CCAR1: variants seen among roughly 807,000 people sequenced by gnomAD.
The protein encoded by CCAR1 is cell division cycle and apoptosis regulator 1.
CCAR1 carries 78 observed loss-of-function variants against 163.8 expected under a neutral mutation model. The observed-to-expected ratio is 0.48, with a 90% confidence interval of 0.40 to 0.57. The LOEUF (loss-of-function observed/expected upper bound fraction) is 0.57, where lower values mean the gene tolerates loss of function less well. CCAR1 is among the 20% of genes least tolerant of loss of function. The pLI is 0.00. For synonymous variants in CCAR1, 443 were observed against 460.7 expected (o/e 0.96, Z 0.49); for missense variants, 1,019 against 1,365.2 (o/e 0.75, Z 4.00).
chr10:68,737,462 C>T (rs535759149), intron 3 of CCAR1, among the ~76,000 whole-genome samples: 31 of 145,914 alleles, frequency 2.1e-4, no homozygotes, highest in African/African-American at 7.7e-4. Flanking sequence ...GAGATTACAC[C>T]ACTGCACTCT....
intron 17 of CCAR1, among the ~76,000 whole-genome samples, chr10:68,766,780 C>A (rs1407031756): frequency 6.6e-6 from 1 of 152,238 alleles, no homozygotes; most frequent in Non-Finnish European, 1.5e-5. Flanking sequence ...CCGCCTCAGC[C>A]TCCCAAAGTG....
At chr10:68,753,511 C>A (rs2056361798) in intron 10 of CCAR1, among the ~76,000 whole-genome samples, 1 of 152,100 alleles carries the variant, frequency 6.6e-6, no homozygotes, top group South Asian at 2.1e-4. Context: ...TCAACATGAA[C>A]CATAATTTTC....
intron 6 of CCAR1, among the ~76,000 whole-genome samples, chr10:68,746,099 A>G (rs2056251129): frequency 6.8e-6 from 1 of 147,414 alleles, no homozygotes; most frequent in African/African-American, 2.5e-5. Flanking sequence ...CAGCCTCTCA[A>G]GTAGCTGGGA....
intron 20 of CCAR1, 101 bp from the exon 21 acceptor site, chr10:68,786,445 T>C (rs1335524576): frequency 6.0e-6 from 5 of 834,092 alleles, no homozygotes; most frequent in Non-Finnish European, 9.2e-6. Context: ...AAATATCTTA[T>C]TAGATTATTG....
intron 2 of CCAR1, among the ~76,000 whole-genome samples, chr10:68,729,795 T>C (rs2056009163): frequency 6.6e-6 from 1 of 152,150 alleles, no homozygotes; most frequent in Admixed American, 6.6e-5. Flanking sequence ...TAGTGGGGTC[T>C]TGCTATGTTG....
At chr10:68,726,339 G>A (rs1232506964) in intron 2 of CCAR1, among the ~76,000 whole-genome samples, 1 of 151,908 alleles carries the variant, frequency 6.6e-6, no homozygotes, top group Non-Finnish European at 1.5e-5. Flanking sequence ...TATTAGTAGA[G>A]ACTGGGTTTC....
At chr10:68,730,148 C>T (rs1003180398) in intron 2 of CCAR1, among the ~76,000 whole-genome samples, 2 of 151,806 alleles carry the variant, frequency 1.3e-5, no homozygotes, top group Non-Finnish European at 2.9e-5. Flanking sequence ...TCTCAAACTC[C>T]TAACCCCCTG....
chr10:68,775,194 A>G (rs12269665), intron 19 of CCAR1, among the ~76,000 whole-genome samples: 11,669 of 152,220 alleles, frequency 0.077, 1,248 homozygotes, highest in African/African-American at 0.24. Flanking sequence ...AGGAAAAAAC[A>G]TGCTCTGAAA....
Position 68,740,638 on chromosome 10 carries a change from C to A in CCAR1, c.301C>A (p.Pro101Thr), listed in dbSNP as rs1222908544. The change falls in exon 5 of 25, where the codon CCC (proline) becomes ACC (threonine). Residue 101 changes from proline to threonine, a missense_variant. By Grantham distance (38) the Pro-to-Thr change is conservative. Coordinates refer to ENST00000265872, the MANE Select transcript of CCAR1 (RefSeq NM_018237.4). ...LYSVQQQLQQ[P>T]QQTLLTQPAV... is the part of the protein sequence containing the mutation. ...ATTTTTCTGTTTTCAGTTACAGCAACCCCAGCAAACCCTCTTAACACAGGT... is the reference window on the plus strand; with the variant it reads ...ATTTTTCTGTTTTCAGTTACAGCAAACCCAGCAAACCCTCTTAACACAGGT... The A allele has an allele frequency of 6.2e-7, 1 of 1,610,994 alleles. No homozygotes were observed.
At chr10:68,784,102 G>C (rs550687688) in intron 19 of CCAR1, among the ~76,000 whole-genome samples, 2 of 152,198 alleles carry the variant, frequency 1.3e-5, no homozygotes, top group African/African-American at 4.8e-5. Flanking sequence ...GTTTTTTTGA[G>C]ATGCAATCTG....
chr10:68,745,311 T>G (rs2056238433), intron 6 of CCAR1, among the ~76,000 whole-genome samples: 1 of 151,860 alleles, frequency 6.6e-6, no homozygotes, highest in African/African-American at 2.4e-5. Flanking sequence ...CGGCCCTTTT[T>G]GTTTTATTTT....
intron 2 of CCAR1, among the ~76,000 whole-genome samples, chr10:68,732,306 A>G (rs192181354): frequency 2.0e-3 from 304 of 152,170 alleles, no homozygotes; most frequent in Middle Eastern, 6.8e-3. Flanking sequence ...TCCTATTTAC[A>G]TGATAATTTT....
intron 6 of CCAR1, among the ~76,000 whole-genome samples, chr10:68,745,332 G>A (rs1373577585): frequency 6.6e-6 from 1 of 151,488 alleles, no homozygotes; most frequent in Non-Finnish European, 1.5e-5. Flanking sequence ...TTGAGATGGG[G>A]TCTCTTTTGC....
intron 15 of CCAR1, among the ~76,000 whole-genome samples, chr10:68,758,644 C>T (rs375747251): frequency 0.014 from 168 of 11,922 alleles, 1 homozygote; most frequent in Admixed American, 8.2e-3. Flanking sequence ...TATATACACA[C>T]GTGTATATAT....
At chr10:68,748,230 A>T (rs1430854010) in intron 8 of CCAR1, among the ~76,000 whole-genome samples, 2 of 152,002 alleles carry the variant, frequency 1.3e-5, no homozygotes, top group African/African-American at 2.4e-5. Context: ...TAATCCCAGC[A>T]CTTTTGGAAA....
At chr10:68,728,105 G>T (rs1482971194) in intron 2 of CCAR1, among the ~76,000 whole-genome samples, 1 of 152,122 alleles carries the variant, frequency 6.6e-6, no homozygotes, top group Non-Finnish European at 1.5e-5. Flanking sequence ...CCAAAATGCT[G>T]GGATTACAGG....
At position 68,787,193 on chromosome 10, in the gene CCAR1, T is replaced by TC. The variant is rs538692939; in HGVS notation, c.2880+501_2880+502insC. On this transcript the variant is annotated intron_variant, in intron 21 of 24. Transcript: ENST00000265872. Reference sequence around the variant, plus strand: ...ACTACAATATATAAAATTCTAGATCTTTTTGTAAGCAGCTCAGTTCCATTT... The same window carrying TC: ...ACTACAATATATAAAATTCTAGATCTCTTTTGTAAGCAGCTCAGTTCCATTT... Among the ~76,000 whole-genome samples the TC allele has an allele frequency of 4.6e-5, 7 of 152,312 alleles. No individual in the cohort carries two copies. The South Asian group carries it at 1.4e-3, about 32-fold the overall frequency.
At chr10:68,726,203 G>A (rs1372676587) in intron 2 of CCAR1, among the ~76,000 whole-genome samples, 1 of 149,930 alleles carries the variant, frequency 6.7e-6, no homozygotes, top group Non-Finnish European at 1.5e-5. Context: ...CCAGGCTGGA[G>A]TGCAGTGGCA....
At chr10:68,751,601 G>A (rs756778041) in intron 10 of CCAR1, among the ~76,000 whole-genome samples, 1 of 151,474 alleles carries the variant, frequency 6.6e-6, no homozygotes, top group Non-Finnish European at 1.5e-5. Context: ...AGTGGCTGAC[G>A]CCTGTAATCC....
Sources: gnomAD v4.1 joint callset for allele counts (sites outside exome capture counted in the v4.1 genomes callset) on GRCh38, gnomAD v4.1.1 for gene constraint, MANE v1.5 for transcripts, NCBI Gene and HGNC (gene_info 2026-07-23, HGNC 2026-07-21) for gene names.